PCM1: variants seen among roughly 807,000 people sequenced by gnomAD.
PCM1 encodes the protein pericentriolar material 1 protein.
In PCM1, 157 loss-of-function variants were observed where a neutral mutation model predicts 241.9. That is an observed-to-expected ratio of 0.65 (90% CI 0.57 to 0.74). The LOEUF (loss-of-function observed/expected upper bound fraction) is 0.74, where lower values mean the gene tolerates loss of function less well. Ranked by LOEUF, PCM1 falls within the 30% of genes least tolerant of loss-of-function variation. The pLI, the probability that PCM1 is intolerant of heterozygous loss-of-function variation, is 0.00. For synonymous variants in PCM1, 1,085 were observed against 784.9 expected, an observed-to-expected ratio of 1.38 and a Z score of -6.39; for missense variants, 3,478 against 2,360.1, an observed-to-expected ratio of 1.47 and a Z score of -9.81.
At chr8:17,985,934 A>G (rs765227474) in intron 25 of PCM1, 25 bp from the exon 26 acceptor site, 10 of 1,405,960 alleles carry the variant, frequency 7.1e-6, no homozygotes, top group Non-Finnish European at 9.7e-6. Context: ...TTTTATATAA[A>G]TGATGATCTT....
At chr8:18,016,349 A>T (rs2093194762) in intron 36 of PCM1, among the ~76,000 whole-genome samples, 1 of 152,216 alleles carries the variant, frequency 6.6e-6, no homozygotes, top group East Asian at 1.9e-4. Context: ...CTAGAACTCT[A>T]GCAAATTTTA....
At position 17,991,638 on chromosome 8, in the gene PCM1, C is replaced by T. The variant is rs370429; in HGVS notation, c.4628C>T (p.Thr1543Ile). The change falls in exon 28 of 39, where the codon ACC becomes ATC. Residue 1543 changes from threonine to isoleucine, a missense_variant. Thr to Ile is a moderately conservative substitution (Grantham distance 89, BLOSUM62 -1). Coordinates refer to ENST00000325083, the MANE Select transcript of PCM1 (RefSeq NM_006197.4). The part of the protein sequence containing the change: ...EAESNSNMRC[T>I]CRIIEDGDGA... ...GAAAGTAACTCAAATATGAGATGCA[C>T]CTGCAGGATTATTGAGGATGGAGAT... is the stretch of plus-strand genomic sequence containing the variant. 0.043 allele frequency: 67,227 copies of T among 1,571,258 alleles called. 2,534 individuals carry two copies. Among genetic ancestry groups the T allele is most frequent in the African/African-American group, 0.15 (11,077 of 73,976 alleles).
chr8:18,021,573 C>T (rs923374580), intron 36 of PCM1, among the ~76,000 whole-genome samples: 2 of 152,286 alleles, frequency 1.3e-5, no homozygotes, highest in Non-Finnish European at 2.9e-5. Flanking sequence ...CTGGAGAGAT[C>T]TCCAGTAATA....
rs185932075 is a variant in PCM1 at position 17,964,334 on chromosome 8, A to G, written c.2655-234A>G. On this transcript the variant is annotated intron_variant, in intron 17 of 38. Coordinates refer to ENST00000325083, the MANE Select transcript of PCM1 (RefSeq NM_006197.4). ...GCTTTGGGAAGTAGTCCCAGGGGAT[A>G]TGATGATTATTTAAATGTATTTGAA... 5.3e-3 allele frequency among the ~76,000 whole-genome samples: 812 copies of G among 152,308 alleles called. 4 individuals carry two copies. The highest frequency in any genetic ancestry group is 0.018 in the African/African-American group (766 of 41,544).
chr8:17,935,806 C>G (rs923446156), intron 3 of PCM1, 100 bp downstream of exon 3: 2 of 633,548 alleles, frequency 3.2e-6, no homozygotes, highest in Non-Finnish European at 5.9e-6. Context: ...TTTGTATACA[C>G]TTGCTGGCCA....
chr8:17,960,384 G>GAA lies in PCM1; in HGVS notation c.2264_2265dup (p.Leu756AsnfsTer2). The stretch of plus-strand genomic sequence containing the variant: ...TAAAACAATTGCAGGAAGAAAGAAA[G>GAA]AAACTGATTGACATTCAGGAGAAAA... On this transcript the variant is annotated frameshift_variant, in exon 15 of 39. Transcript: ENST00000325083. LOFTEE classifies it high-confidence loss of function. The GAA allele has an allele frequency of 6.2e-7, 1 of 1,608,192 alleles. No homozygotes were observed. Among genetic ancestry groups the GAA allele is most frequent in the Non-Finnish European group, 8.5e-7 (1 of 1,177,936 alleles).
chr8:17,962,262 C>T, intron 16 of PCM1, 88 bp downstream of exon 16: 3 of 1,098,166 alleles, frequency 2.7e-6, no homozygotes, highest in South Asian at 3.3e-5. Flanking sequence ...AGAAAGGAAA[C>T]TGAATATCCT....
At chr8:17,946,176 C>T (rs1201900271) in intron 6 of PCM1, among the ~76,000 whole-genome samples, 2 of 152,076 alleles carry the variant, frequency 1.3e-5, no homozygotes, top group Non-Finnish European at 1.5e-5. Flanking sequence ...TTAATCCATC[C>T]CTCTACTTTT....
chr8:18,018,262 C>T (rs2093415529), intron 36 of PCM1, among the ~76,000 whole-genome samples: 1 of 152,190 alleles, frequency 6.6e-6, no homozygotes, highest in African/African-American at 2.4e-5. Context: ...TGCTCTGTTT[C>T]CTACAAGCAG....
chr8:17,967,603 C>A (rs1331067195), intron 21 of PCM1, among the ~76,000 whole-genome samples: 1 of 152,210 alleles, frequency 6.6e-6, no homozygotes, highest in Non-Finnish European at 1.5e-5. Flanking sequence ...CCACCGTGCC[C>A]AGCCTACGTT....
chr8:17,978,907 C>T (rs532359181), intron 23 of PCM1, among the ~76,000 whole-genome samples: 1 of 152,220 alleles, frequency 6.6e-6, no homozygotes, highest in African/African-American at 2.4e-5. Context: ...GGAAATCTGT[C>T]AACATAATTT....
At position 17,957,523 on chromosome 8, in the gene PCM1, A is replaced by T. The variant is rs1267198841; in HGVS notation, c.1805-17A>T. 5 of 1,601,328 alleles carry T rather than the reference A, an allele frequency of 3.1e-6. No individual in the cohort carries two copies. The highest frequency in any genetic ancestry group is 4.3e-6 in the Non-Finnish European group (5 of 1,171,322). On this transcript the variant is annotated splice_polypyrimidine_tract_variant and intron_variant, in intron 12 of 38. Coordinates refer to ENST00000325083, the MANE Select transcript of PCM1 (RefSeq NM_006197.4). ...CCTTTAAAAGTTACTGGTTTTAATT[A>T]TACATGTTTTCAGCAGATTGTCGAT...
intron 28 of PCM1, among the ~76,000 whole-genome samples, chr8:17,992,103 C>T (rs1030383007): frequency 6.6e-6 from 1 of 152,204 alleles, no homozygotes; most frequent in Non-Finnish European, 1.5e-5. Flanking sequence ...TGTCTATCTA[C>T]ACATATATAC....
Position 18,029,855 on chromosome 8 carries a change from G to C in PCM1, c.*2193G>C, listed in dbSNP as rs1788945352. 2 of 195,616 alleles carry C rather than the reference G, an allele frequency of 1.0e-5. No individual in the cohort carries two copies. The highest frequency in any genetic ancestry group is 3.9e-4 in the South Asian group (2 of 5,184). The allele number at this position is 195,616 out of a possible 1,614,324, so 12.1% of individuals were successfully genotyped here. ...GTTGAGATAATGCCTAAAATAATGA[G>C]CTGGCCAGACTGTGGAGGTACTCTT... On this transcript the variant is annotated 3_prime_UTR_variant, in exon 39 of 39. Transcript: ENST00000325083.
Position 17,985,788 on chromosome 8 carries a change from T to A in PCM1, c.4281+169T>A, listed in dbSNP as rs937669843. Among the ~76,000 whole-genome samples the A allele has an allele frequency of 2.6e-5, 4 of 151,890 alleles. No individual in the cohort carries two copies. The Middle Eastern group carries it at 0.014, about 517-fold the overall frequency. On this transcript the variant is annotated intron_variant, in intron 25 of 38. Transcript: ENST00000325083. ...TTGTATAGCTTAAGTAGCATTAAAG[T>A]ATTTTTTTTGAGTACTTTTTCAGTG... is the stretch of plus-strand genomic sequence containing the variant.
chr8:18,017,212 A>C (rs1313109369), intron 36 of PCM1, among the ~76,000 whole-genome samples: 2 of 152,216 alleles, frequency 1.3e-5, no homozygotes, highest in Admixed American at 1.3e-4. Flanking sequence ...CAAAAAGTTG[A>C]ATCTATTTCT....
intron 7 of PCM1, among the ~76,000 whole-genome samples, chr8:17,949,957 G>T (rs1042809686): frequency 6.6e-6 from 1 of 152,082 alleles, no homozygotes; most frequent in African/African-American, 2.4e-5. Flanking sequence ...CAGTCTTTTA[G>T]TATGACTTGT....
In PCM1 at chr8:17,962,149, A is replaced by G; in HGVS notation, c.2438A>G (p.Glu813Gly). The change falls in exon 16 of 39, where the codon GAA becomes GGA. Residue 813 changes from glutamate (E) to glycine (G), a missense_variant. Glu to Gly is a moderately conservative substitution (Grantham distance 98). Coordinates refer to ENST00000325083, the MANE Select transcript of PCM1 (RefSeq NM_006197.4). Reference protein sequence around the residue: ...TSTSKSVFEPEDSSIVDNELW... With the variant: ...TSTSKSVFEPGDSSIVDNELW... Reference sequence around the variant, plus strand: ...ACAAGCAAATCTGTTTTTGAGCCTGAAGATTCTTCAATAGTAGATAATGAG... The same window carrying G: ...ACAAGCAAATCTGTTTTTGAGCCTGGAGATTCTTCAATAGTAGATAATGAG... 6.2e-7 allele frequency: 1 copy of G among 1,607,562 alleles called. No individual in the cohort carries two copies.
chr8:17,963,655 G>C (rs1446755910), intron 17 of PCM1, among the ~76,000 whole-genome samples: 1 of 152,084 alleles, frequency 6.6e-6, no homozygotes, highest in African/African-American at 2.4e-5. Context: ...TTGAGTATCT[G>C]CTGTTTGTAA....
Sources: gnomAD v4.1 joint callset for allele counts (sites outside exome capture counted in the v4.1 genomes callset) on GRCh38, gnomAD v4.1.1 for gene constraint, MANE v1.5 for transcripts, NCBI Gene and HGNC (gene_info 2026-07-23, HGNC 2026-07-21) for gene names.